COL28A1: variants seen among roughly 807,000 people sequenced by gnomAD.
The protein encoded by COL28A1 is collagen type XXVIII alpha 1 chain.
Under a neutral mutation model 150.2 loss-of-function variants are expected in COL28A1, and 161 were observed. The observed-to-expected ratio is 1.07, with a 90% CI of 0.94 to 1.22. The LOEUF is 1.22. Ranked by LOEUF, COL28A1 falls within the 50% of genes most tolerant of loss-of-function variation. The probability of loss-of-function intolerance (pLI) is 0.00; values close to 1 mark genes in which losing one functional copy is unlikely to be tolerated. For synonymous variants in COL28A1, 552 were observed against 469.7 expected (o/e 1.18, Z -2.26); for missense variants, 1,617 against 1,388.3 (o/e 1.16, Z -2.62).
At chr7:7,477,519 G>A (rs1285679011) in intron 13 of COL28A1, among the ~76,000 whole-genome samples, 2 of 152,202 alleles carry the variant, frequency 1.3e-5, no homozygotes, top group African/African-American at 4.8e-5. Flanking sequence ...CTGACTTCAA[G>A]AATGAAGCCG....
At chr7:7,527,861 C>A (rs1193108980) in intron 3 of COL28A1, among the ~76,000 whole-genome samples, 1 of 152,106 alleles carries the variant, frequency 6.6e-6, no homozygotes, top group African/African-American at 2.4e-5. Context: ...GGACAAATAT[C>A]ACAGCACATG....
At chr7:7,439,269 A>G (rs1231329127) in intron 21 of COL28A1, among the ~76,000 whole-genome samples, 1 of 152,208 alleles carries the variant, frequency 6.6e-6, no homozygotes, top group Non-Finnish European at 1.5e-5. Flanking sequence ...TGGCCCACTG[A>G]GACCCAGTTC....
intron 27 of COL28A1, among the ~76,000 whole-genome samples, chr7:7,411,973 A>G (rs998360494): frequency 2.6e-5 from 4 of 152,148 alleles, no homozygotes; most frequent in Non-Finnish European, 4.4e-5. Flanking sequence ...AGAGCAAAAA[A>G]TAACTTAAAA....
At chr7:7,431,081 G>A (rs1053953456) in intron 25 of COL28A1, 1 of 152,794 alleles carries the variant, frequency 6.5e-6, no homozygotes, top group African/African-American at 2.4e-5. Flanking sequence ...AGGGCAAAGA[G>A]GCACTTCTAA....
intron 3 of COL28A1, among the ~76,000 whole-genome samples, chr7:7,526,484 AAG>A (rs758457179): frequency 5.9e-5 from 9 of 152,226 alleles, no homozygotes; most frequent in African/African-American, 1.9e-4. Context: ...CTCTGGGAGA[AAG>A]AGAGAGAAAA....
intron 18 of COL28A1, among the ~76,000 whole-genome samples, chr7:7,446,825 T>C (rs1786297773): frequency 6.6e-6 from 1 of 152,230 alleles, no homozygotes; most frequent in African/African-American, 2.4e-5. Context: ...AACATGCATC[T>C]GGGTGAACCA....
intron 9 of COL28A1, among the ~76,000 whole-genome samples, chr7:7,507,529 C>A (rs1460314643): frequency 6.6e-6 from 1 of 152,216 alleles, no homozygotes. Flanking sequence ...CAATGTAGTG[C>A]ATTTCCATGC....
chr7:7,389,100 G>C (rs934535942), intron 27 of COL28A1, among the ~76,000 whole-genome samples: 2 of 151,898 alleles, frequency 1.3e-5, no homozygotes, highest in African/African-American at 4.8e-5. Flanking sequence ...TATTGCCTAG[G>C]TTTTCTTCTA....
chr7:7,539,840 G>C (rs1279587878), upstream of COL28A1, among the ~76,000 whole-genome samples: 3 of 151,876 alleles, frequency 2.0e-5, no homozygotes, highest in Non-Finnish European at 4.4e-5. Context: ...CTTTTATATC[G>C]TTTACTCCCT....
At chr7:7,518,924 T>G (rs2115185357) in intron 6 of COL28A1, among the ~76,000 whole-genome samples, 1 of 152,340 alleles carries the variant, frequency 6.6e-6, no homozygotes, top group Admixed American at 6.5e-5. Flanking sequence ...TTACTAGTTT[T>G]GTTTCCTCTC....
intron 18 of COL28A1, among the ~76,000 whole-genome samples, chr7:7,446,619 T>C (rs1219130360): frequency 6.6e-6 from 1 of 152,214 alleles, no homozygotes; most frequent in African/African-American, 2.4e-5. Context: ...ATGAGGCTTA[T>C]AAAGCCTTTT....
At chr7:7,513,446 G>T (rs879062102) in intron 8 of COL28A1, among the ~76,000 whole-genome samples, 1 of 152,210 alleles carries the variant, frequency 6.6e-6, no homozygotes, top group African/African-American at 2.4e-5. Flanking sequence ...GGCATCAGGA[G>T]CAGGAAAGAG....
chr7:7,509,644 TG>T (rs150695988), intron 9 of COL28A1, among the ~76,000 whole-genome samples: 14,031 of 151,944 alleles, frequency 0.092, 720 homozygotes, highest in Middle Eastern at 0.21. Flanking sequence ...GGGTTTTTTT[TG>T]TTGTTGTTAT....
At chr7:7,454,055 AAGG>A (rs1031014756) in intron 16 of COL28A1, among the ~76,000 whole-genome samples, 1 of 152,140 alleles carries the variant, frequency 6.6e-6, no homozygotes, top group African/African-American at 2.4e-5. Flanking sequence ...TCACAATATA[AAGG>A]AGGTTTTTAT....
At chr7:7,543,718 A>G in the COL28A1 span, among the ~76,000 whole-genome samples, 1 of 151,980 alleles carries the variant, frequency 6.6e-6, no homozygotes, top group African/African-American at 2.4e-5. Flanking sequence ...GGAAGTAATG[A>G]GTTTTGAGTA....
intron 13 of COL28A1, among the ~76,000 whole-genome samples, chr7:7,484,246 C>T (rs1358438504): frequency 6.6e-6 from 1 of 151,914 alleles, no homozygotes; most frequent in Non-Finnish European, 1.5e-5. Flanking sequence ...TATAAACAGA[C>T]TAAAGACATG....
At chr7:7,428,955 G>T (rs1187831167) in intron 25 of COL28A1, among the ~76,000 whole-genome samples, 2 of 152,178 alleles carry the variant, frequency 1.3e-5, no homozygotes, top group East Asian at 3.8e-4. Context: ...AACCACAAGG[G>T]TGCTAGATGT....
chr7:7,480,639 A>C (rs1421073485), intron 13 of COL28A1, among the ~76,000 whole-genome samples: 1 of 152,244 alleles, frequency 6.6e-6, no homozygotes, highest in Non-Finnish European at 1.5e-5. Context: ...ATTTATATTA[A>C]ATGTAAGGAA....
At chr7:7,399,906 T>C (rs1013605049) in intron 27 of COL28A1, among the ~76,000 whole-genome samples, 2 of 152,208 alleles carry the variant, frequency 1.3e-5, no homozygotes, top group Non-Finnish European at 2.9e-5. Flanking sequence ...GAGCTGCCAG[T>C]ATGCAATGCC....
Sources: gnomAD v4.1 joint callset for allele counts (sites outside exome capture counted in the v4.1 genomes callset) on GRCh38, gnomAD v4.1.1 for gene constraint, MANE v1.5 for transcripts, NCBI Gene and HGNC (gene_info 2026-07-23, HGNC 2026-07-21) for gene names.